PLCL1: variants seen among roughly 807,000 people sequenced by gnomAD.
The protein encoded by PLCL1 is phospholipase C like 1 (inactive).
In PLCL1, 41 loss-of-function variants were observed where a neutral mutation model predicts 84.4. The ratio of observed to expected loss-of-function variants is 0.49; its 90% CI spans 0.38 to 0.63. The LOEUF (loss-of-function observed/expected upper bound fraction) is 0.63, where lower values mean the gene tolerates loss of function less well. PLCL1 is among the 30% of genes least tolerant of loss of function. The pLI is 0.00. For missense variants in PLCL1, 1,206 were observed against 1,367.8 expected (o/e 0.88, Z 1.87); for synonymous variants, 490 against 488.3 (o/e 1.00, Z -0.05).
chr2:197,817,119 T>C (rs1342913252), intron 1 of PLCL1, among the ~76,000 whole-genome samples: 1 of 152,130 alleles, frequency 6.6e-6, no homozygotes, highest in African/African-American at 2.4e-5. Flanking sequence ...TAATTATCTA[T>C]CTGAAGTTAT....
At chr2:198,054,090 A>G (rs543193425) in intron 1 of PLCL1, among the ~76,000 whole-genome samples, 7 of 152,362 alleles carry the variant, frequency 4.6e-5, no homozygotes, top group Admixed American at 2.6e-4. Context: ...AGGTCATTAC[A>G]TAAGGATACA....
chr2:197,911,339 A>AAAAT lies in PLCL1; in HGVS notation c.240+106020_240+106023dup, dbSNP rs561111386. 2.1e-3 allele frequency among the ~76,000 whole-genome samples: 319 copies of AAAAT among 152,116 alleles called. 3 individuals are homozygous for AAAAT. The highest frequency in any genetic ancestry group is 7.1e-3 in the African/African-American group (294 of 41,490). ...GTGACAGAGTGTGACCCTGTCTCAA[A>AAAAT]AAATAAATAAATAAATAAATAAAAT... is the stretch of plus-strand genomic sequence containing the variant. On this transcript the variant is annotated intron_variant, in intron 1 of 5. Transcript: ENST00000428675.
At chr2:198,141,342 T>A (rs1281024162) in intron 5 of PLCL1, among the ~76,000 whole-genome samples, 1 of 152,190 alleles carries the variant, frequency 6.6e-6, no homozygotes, top group Non-Finnish European at 1.5e-5. Flanking sequence ...CCTTTGTGCC[T>A]TTTAACTCTT....
At chr2:198,144,276 T>G (rs1464598723) in intron 5 of PLCL1, among the ~76,000 whole-genome samples, 2 of 152,174 alleles carry the variant, frequency 1.3e-5, no homozygotes, top group African/African-American at 2.4e-5. Flanking sequence ...CTTTCAAAAC[T>G]AAATGAAAAG....
At chr2:197,862,743 A>C (rs183149965) in intron 1 of PLCL1, among the ~76,000 whole-genome samples, 97 of 152,264 alleles carry the variant, frequency 6.4e-4, no homozygotes, top group African/African-American at 2.2e-3. Flanking sequence ...AGATCTGTTT[A>C]GGACTGCTTG....
At chr2:198,013,613 C>T (rs1451102961) in intron 1 of PLCL1, among the ~76,000 whole-genome samples, 2 of 151,972 alleles carry the variant, frequency 1.3e-5, no homozygotes, top group Non-Finnish European at 2.9e-5. Context: ...TCTGAGAAAG[C>T]GTATCATAGG....
At chr2:198,066,889 C>G (rs1559091794) in intron 1 of PLCL1, among the ~76,000 whole-genome samples, 1 of 152,124 alleles carries the variant, frequency 6.6e-6, no homozygotes, top group Admixed American at 6.6e-5. Flanking sequence ...AATTAGTTCC[C>G]CTCTACCTAA....
chr2:197,963,288 C>A (rs1421298252), intron 1 of PLCL1, among the ~76,000 whole-genome samples: 1 of 151,994 alleles, frequency 6.6e-6, no homozygotes, highest in Admixed American at 6.6e-5. Flanking sequence ...TTAACTGGGG[C>A]GAGATGATAT....
intron 1 of PLCL1, among the ~76,000 whole-genome samples, chr2:197,957,266 A>G (rs1286430242): frequency 6.6e-5 from 10 of 152,088 alleles, no homozygotes. Flanking sequence ...TCTTGTGTGT[A>G]AGTTCTTTAT....
Position 198,148,075 on chromosome 2 carries a change from T to A in PLCL1, c.*1113T>A, listed in dbSNP as rs894369389. ...AGAAAAGCATACATGCAAAAAGAAA[T>A]GACTAATTAGGGTACATTTATAATT... On this transcript the variant is annotated 3_prime_UTR_variant, in exon 6 of 6. Transcript: ENST00000428675. 2 of 152,266 alleles carry A rather than the reference T, an allele frequency of 1.3e-5. No homozygotes were observed. The highest frequency in any genetic ancestry group is 2.4e-5 in the African/African-American group (1 of 41,434). The allele number at this position is 152,266 out of a possible 1,614,324, so 9.4% of individuals were successfully genotyped here.
At position 197,886,788 on chromosome 2, in the gene PLCL1, C is replaced by T. The variant is rs186064981; in HGVS notation, c.240+81449C>T. The stretch of plus-strand genomic sequence containing the variant: ...CATTTTGATAGAGAATTCTTCAATC[C>T]ATCATAAAGTTTTCTTTTGAGGAAT... On this transcript the variant is annotated intron_variant, in intron 1 of 5. Transcript: ENST00000428675. 2.4e-4 allele frequency among the ~76,000 whole-genome samples: 36 copies of T among 152,174 alleles called. No individual in the cohort carries two copies. The East Asian group carries it at 4.6e-3, about 20-fold the overall frequency.
At chr2:197,911,022 T>C (rs1389152981) in intron 1 of PLCL1, among the ~76,000 whole-genome samples, 1 of 152,198 alleles carries the variant, frequency 6.6e-6, no homozygotes, top group African/African-American at 2.4e-5. Context: ...AGAATGTTGA[T>C]ATTTTGGGTA....
intron 1 of PLCL1, among the ~76,000 whole-genome samples, chr2:197,995,545 A>C (rs1690439984): frequency 6.6e-6 from 1 of 152,060 alleles, no homozygotes; most frequent in Non-Finnish European, 1.5e-5. Flanking sequence ...GTGGGTCCTG[A>C]GGGTTTATGA....
intron 1 of PLCL1, among the ~76,000 whole-genome samples, chr2:198,031,041 A>T (rs1691403061): frequency 6.6e-6 from 1 of 152,134 alleles, no homozygotes; most frequent in African/African-American, 2.4e-5. Context: ...AATGCCATAC[A>T]TCATGCCTTA....
chr2:198,047,165 ATGTG>A lies in PLCL1; in HGVS notation c.241-36567_241-36564del, dbSNP rs10560234. Among the ~76,000 whole-genome samples the A allele has an allele frequency of 1.9e-3, 279 of 148,752 alleles. 1 individual carries two copies. Among genetic ancestry groups the A allele is most frequent in the African/African-American group, 3.6e-3 (147 of 40,402 alleles). The stretch of plus-strand genomic sequence containing the variant: ...AACCAGGAGAGATGCATGTGTGTGT[ATGTG>A]TGTGTGTGTGTGTGTGTGTGTGTGT... On this transcript the variant is annotated intron_variant, in intron 1 of 5. Transcript: ENST00000428675.
At chr2:198,030,503 G>A (rs1045164036) in intron 1 of PLCL1, among the ~76,000 whole-genome samples, 4 of 152,146 alleles carry the variant, frequency 2.6e-5, no homozygotes, top group Admixed American at 2.6e-4. Flanking sequence ...GTTTTTACGA[G>A]CCTTCCCCTC....
At chr2:197,991,255 AT>A (rs1372128622) in intron 1 of PLCL1, among the ~76,000 whole-genome samples, 1 of 152,082 alleles carries the variant, frequency 6.6e-6, no homozygotes, top group African/African-American at 2.4e-5. Context: ...TTGGACTGGG[AT>A]TTATAATTTG....
chr2:198,073,028 A>G (rs1257572692), intron 1 of PLCL1, among the ~76,000 whole-genome samples: 2 of 152,226 alleles, frequency 1.3e-5, no homozygotes, highest in Non-Finnish European at 2.9e-5. Flanking sequence ...AATAAAAATT[A>G]TAGACATAGA....
intron 1 of PLCL1, among the ~76,000 whole-genome samples, chr2:197,840,158 A>C (rs1046474515): frequency 1.3e-5 from 2 of 152,178 alleles, no homozygotes; most frequent in Non-Finnish European, 2.9e-5. Context: ...GGGAAAGGGA[A>C]ATTTCCTTAT....
Sources: gnomAD v4.1 joint callset for allele counts (sites outside exome capture counted in the v4.1 genomes callset) on GRCh38, gnomAD v4.1.1 for gene constraint, MANE v1.5 for transcripts, NCBI Gene and HGNC (gene_info 2026-07-23, HGNC 2026-07-21) for gene names.